The following ANKRD28 variants were observed in gnomAD, a reference collection of about 807,000 sequenced individuals.
The protein encoded by ANKRD28 is serine/threonine-protein phosphatase 6 regulatory ankyrin repeat subunit A.
Under a neutral mutation model 126.5 loss-of-function variants are expected in ANKRD28, and 44 were observed. That is an observed-to-expected ratio of 0.35 (90% confidence interval 0.27 to 0.45). ANKRD28 has a LOEUF of 0.45. ANKRD28 is among the 20% of genes least tolerant of loss of function. The pLI is 1.00. For synonymous variants in ANKRD28, 442 were observed against 468.5 expected, an observed-to-expected ratio of 0.94 and a Z score of 0.73; for missense variants, 1,110 against 1,316.6, an observed-to-expected ratio of 0.84 and a Z score of 2.43.
chr3:15,681,249 G>A (rs1172531057), intron 21 of ANKRD28, among the ~76,000 whole-genome samples: 1 of 151,970 alleles, frequency 6.6e-6, no homozygotes, highest in Non-Finnish European at 1.5e-5. Flanking sequence ...ATTGTTTAGG[G>A]AATAATGACA....
chr3:15,777,215 A>C (rs1170128238), intron 2 of ANKRD28, among the ~76,000 whole-genome samples: 1 of 149,912 alleles, frequency 6.7e-6, no homozygotes, highest in Non-Finnish European at 1.5e-5. Flanking sequence ...TAGAGCTTGC[A>C]GTGAGCTGAG....
intron 2 of ANKRD28, among the ~76,000 whole-genome samples, chr3:15,771,814 A>G (rs888300131): frequency 2.0e-5 from 3 of 152,204 alleles, no homozygotes; most frequent in Non-Finnish European, 4.4e-5. Flanking sequence ...ACCTTAACAC[A>G]TTAAAATAAA....
At chr3:15,791,857 G>A (rs1338796975) in intron 2 of ANKRD28, among the ~76,000 whole-genome samples, 1 of 152,096 alleles carries the variant, frequency 6.6e-6, no homozygotes, top group African/African-American at 2.4e-5. Flanking sequence ...CCCTCTGACA[G>A]GGGACTAATA....
At chr3:15,688,898 G>A (rs2068460221) in intron 18 of ANKRD28, among the ~76,000 whole-genome samples, 2 of 152,300 alleles carry the variant, frequency 1.3e-5, no homozygotes, top group South Asian at 4.1e-4. Context: ...CAGTACACTG[G>A]TAAAATAAGT....
At chr3:15,683,342 A>C (rs1490210423) in intron 21 of ANKRD28, among the ~76,000 whole-genome samples, 1 of 152,200 alleles carries the variant, frequency 6.6e-6, no homozygotes, top group Non-Finnish European at 1.5e-5. Context: ...GTCAAGTCAC[A>C]TTACAGAAAC....
chr3:15,736,593 T>A (rs2075032345), intron 5 of ANKRD28, among the ~76,000 whole-genome samples: 1 of 152,260 alleles, frequency 6.6e-6, no homozygotes, highest in Non-Finnish European at 1.5e-5. Context: ...ACAACGTTTG[T>A]TGTGTAAGAT....
At position 15,859,446 on chromosome 3, in the gene ANKRD28, CGCT is replaced by C. The variant is rs1351655523; in HGVS notation, c.-46_-44del. 8.2e-6 allele frequency: 12 copies of C among 1,471,002 alleles called. No homozygotes were observed. The Admixed American group carries it at 1.7e-4, about 21-fold the overall frequency. The allele number at this position is 1,471,002 out of a possible 1,614,324, so 91.1% of individuals were successfully genotyped here. ...CCACTCCAGCCTCCTCCTCCTCCGC[CGCT>C]GCCGCTGCCGCCGCCGACCGGCCCA... On this transcript the variant is annotated 5_prime_UTR_variant, in exon 1 of 28. Coordinates refer to the ANKRD28 transcript ENST00000399451.
At position 15,696,753 on chromosome 3, in the gene ANKRD28, T is replaced by C. The variant is rs1462576276; in HGVS notation, c.1548-508A>G. ...AATTAGAGGACTAAGAAGAGGTATA[T>C]AAACAGAGTAAAGTGGTAAGAAGGT... On this transcript the variant is annotated intron_variant, in intron 14 of 27. Coordinates refer to ENST00000683139, the MANE Select transcript of ANKRD28 (RefSeq NM_001349278.2). Among the ~76,000 whole-genome samples the C allele has an allele frequency of 3.9e-5, 6 of 152,138 alleles. No individual in the cohort carries two copies. The East Asian group carries it at 1.2e-3, about 29-fold the overall frequency.
chr3:15,706,502 G>A (rs1013842726), intron 14 of ANKRD28, among the ~76,000 whole-genome samples: 7 of 152,134 alleles, frequency 4.6e-5, no homozygotes, highest in African/African-American at 1.7e-4. Context: ...ATGGACATTT[G>A]GGGTGGTTCC....
chr3:15,723,706 G>A (rs764604109), intron 7 of ANKRD28, among the ~76,000 whole-genome samples: 2 of 152,166 alleles, frequency 1.3e-5, no homozygotes, highest in Non-Finnish European at 2.9e-5. Flanking sequence ...AGGAGTTCAA[G>A]GTTGCAGTGA....
intron 2 of ANKRD28, among the ~76,000 whole-genome samples, chr3:15,770,600 CT>C (rs1452504795): frequency 1.3e-5 from 2 of 152,166 alleles, no homozygotes; most frequent in African/African-American, 4.8e-5. Flanking sequence ...ACTTGAAACA[CT>C]TTTGTCTCTG....
rs567060989 is a variant in ANKRD28 at position 15,808,321 on chromosome 3, T to C, written c.28-13015A>G. 5.6e-4 allele frequency among the ~76,000 whole-genome samples: 85 copies of C among 152,350 alleles called. 2 individuals are homozygous for C. In the South Asian group the frequency reaches 0.016, roughly 29 times the overall value. On this transcript the variant is annotated intron_variant, in intron 1 of 27. Transcript: ENST00000399451. ...TGACCAATACCTTCTAGTTTAACAA[T>C]GTTTCACATCGATCTTCCCACTGGT...
chr3:15,822,272 G>C (rs1318573459), intron 1 of ANKRD28, among the ~76,000 whole-genome samples: 1 of 152,206 alleles, frequency 6.6e-6, no homozygotes, highest in East Asian at 1.9e-4. Flanking sequence ...ATCTAGGAGA[G>C]TTTGTTTTTG....
intron 5 of ANKRD28, among the ~76,000 whole-genome samples, chr3:15,736,375 G>A (rs2075017629): frequency 6.6e-6 from 1 of 152,168 alleles, no homozygotes. Flanking sequence ...CATATCCTCT[G>A]TAGATAAGTG....
chr3:15,808,373 T>C (rs188465319), intron 1 of ANKRD28, among the ~76,000 whole-genome samples: 1 of 152,184 alleles, frequency 6.6e-6, no homozygotes, highest in African/African-American at 2.4e-5. Flanking sequence ...TTAAGGTAAG[T>C]TGGAGAAAGG....
chr3:15,718,856 T>C (rs2073380936), intron 8 of ANKRD28, among the ~76,000 whole-genome samples: 1 of 152,216 alleles, frequency 6.6e-6, no homozygotes, highest in Non-Finnish European at 1.5e-5. Flanking sequence ...AAATCTTTTA[T>C]TTTTGAAATA....
chr3:15,785,628 T>C (rs1160891206), intron 2 of ANKRD28, among the ~76,000 whole-genome samples: 3 of 152,072 alleles, frequency 2.0e-5, no homozygotes, highest in Non-Finnish European at 2.9e-5. Flanking sequence ...TGCACACTGG[T>C]AAACAGCCAC....
intron 10 of ANKRD28, 59 bp from the exon 11 acceptor site, chr3:15,712,281 T>G: frequency 7.6e-7 from 1 of 1,322,330 alleles, no homozygotes; most frequent in African/African-American, 1.5e-5. Flanking sequence ...TACAATCAGT[T>G]AAATACATTA....
chr3:15,726,882 C>G (rs888971348), intron 6 of ANKRD28, among the ~76,000 whole-genome samples: 9 of 152,210 alleles, frequency 5.9e-5, no homozygotes, highest in African/African-American at 1.9e-4. Context: ...TCTGAAAATT[C>G]TACAGCCCAC....
Sources: allele counts gnomAD v4.1 joint callset (sites outside exome capture counted in the v4.1 genomes callset), GRCh38; gene constraint gnomAD v4.1.1; transcripts MANE v1.5; gene names NCBI Gene and HGNC (gene_info 2026-07-23, HGNC 2026-07-21).